The following MFSD12 variants were observed in gnomAD, a reference collection of about 807,000 sequenced individuals.
MFSD12 encodes the protein major facilitator superfamily domain containing 12, also known as major facilitator superfamily domain-containing protein 12.
Under a neutral mutation model 51.2 loss-of-function variants are expected in MFSD12, and 67 were observed. The observed-to-expected ratio is 1.31, with a 90% CI of 1.08 to 1.60. The LOEUF (loss-of-function observed/expected upper bound fraction) is 1.60. MFSD12 is among the 40% of genes most tolerant of loss of function. The pLI is 0.00. For missense variants in MFSD12, 921 were observed against 673.0 expected, an observed-to-expected ratio of 1.37 and a Z score of -4.08; for synonymous variants, 441 against 316.7, an observed-to-expected ratio of 1.39 and a Z score of -4.17.
downstream of MFSD12, chr19:3,541,877 C>T (rs762010452): frequency 1.0e-3 from 861 of 829,698 alleles, 1 homozygote; most frequent in Non-Finnish European, 1.2e-3. Flanking sequence ...GACGCAATCT[C>T]GGCTCACTGC....
At chr19:3,541,628 C>CTAT, downstream of MFSD12, 1 of 984,582 alleles carries the variant, frequency 1.0e-6, no homozygotes, top group Non-Finnish European at 1.2e-6. Flanking sequence ...GTGCAAGACC[C>CTAT]TATTTCTATT....
At chr19:3,538,699 C>T in exon 5 of MFSD12, 1 of 473,592 alleles carries the variant, frequency 2.1e-6, no homozygotes. Context: ...GTTCGGTGTT[C>T]TCCGCCTCGG....
At chr19:3,543,476 G>T, downstream of MFSD12, 2 of 1,524,790 alleles carry the variant, frequency 1.3e-6, no homozygotes, top group Non-Finnish European at 1.8e-6. Context: ...GCCATCGGGT[G>T]AGTGCCCCCC....
At chr19:3,543,473 G>T, downstream of MFSD12, 4 of 1,532,548 alleles carry the variant, frequency 2.6e-6, no homozygotes, top group Non-Finnish European at 3.5e-6. Flanking sequence ...CATGCCATCG[G>T]GTGAGTGCCC....
At chr19:3,543,218 C>A, downstream of MFSD12, 1 of 1,539,206 alleles carries the variant, frequency 6.5e-7, no homozygotes, top group East Asian at 2.5e-5. Flanking sequence ...CAGTCTCTGC[C>A]CCCTGCCCAC....
downstream of MFSD12, chr19:3,543,013 T>C (rs748043152): frequency 3.1e-6 from 5 of 1,602,500 alleles, no homozygotes; most frequent in African/African-American, 4.0e-5. Context: ...ACTTGGGTGC[T>C]TGGGGTGCGA....
chr19:3,546,316 C>T lies in MFSD12; in HGVS notation c.1133G>A (p.Gly378Asp), dbSNP rs2031043445. ...CGAGGTGACGAGGATGGTGGCACAG[C>T]CAGCACCCAGCAGCACAGCCGCTGC... is the stretch of plus-strand genomic sequence containing the variant. ...VYAAAVLLGAGCATILVTSLA... is the reference protein window; with the variant it reads ...VYAAAVLLGADCATILVTSLA... Residue 378 changes from glycine (G) to aspartate (D), a missense_variant, in exon 7 of 10, where the codon GGC becomes GAC. By Grantham distance (94) the Gly-to-Asp change is moderately conservative (BLOSUM62 -1). Transcript: ENST00000355415. 2 of 1,608,850 alleles carry T rather than the reference C, an allele frequency of 1.2e-6. No homozygotes were observed. The highest frequency in any genetic ancestry group is 1.3e-5 in the African/African-American group (1 of 74,928).
downstream of MFSD12, chr19:3,542,365 G>C: frequency 1.0e-6 from 1 of 985,428 alleles, no homozygotes; most frequent in Non-Finnish European, 1.2e-6. Context: ...AGATGAGATT[G>C]TTTTGAACCC....
chr19:3,544,462 A>G lies in MFSD12; in HGVS notation c.*248T>C. 7.4e-7 allele frequency: 1 copy of G among 1,347,000 alleles called. No individual in the cohort carries two copies. Among genetic ancestry groups the G allele is most frequent in the East Asian group, 2.7e-5 (1 of 36,702 alleles). 83.4% of individuals were successfully genotyped at this position (1,347,000 alleles called of 1,614,324 possible). A position where few individuals can be genotyped will look rare whatever the true frequency, so the allele number is the denominator to read the frequency against. ...TTCCCTGCCGAGAGGGGCACCCCAAATCCTCCAGAGGGCTGGGATGGATTA... is the reference window on the plus strand; with the variant it reads ...TTCCCTGCCGAGAGGGGCACCCCAAGTCCTCCAGAGGGCTGGGATGGATTA... On this transcript the variant is annotated 3_prime_UTR_variant, in exon 10 of 10. Coordinates refer to ENST00000355415, the MANE Select transcript of MFSD12 (RefSeq NM_174983.5).
In MFSD12 at chr19:3,551,460, C is replaced by T. The variant is rs1454807277; in HGVS notation, c.299-266G>A. 6.6e-6 allele frequency among the ~76,000 whole-genome samples: 1 copy of T among 152,142 alleles called. No individual in the cohort carries two copies. Among genetic ancestry groups the T allele is most frequent in the African/African-American group, 2.4e-5 (1 of 41,438 alleles). On this transcript the variant is annotated intron_variant, in intron 1 of 9. Coordinates refer to ENST00000355415, the MANE Select transcript of MFSD12 (RefSeq NM_174983.5). This position sits in a 1 kb window ranked among gnomAD's most constrained non-coding sequence, Gnocchi z 4.6. The stretch of plus-strand genomic sequence containing the variant: ...GCGCAGGGGGTCCCCCGGAAACCTG[C>T]CCCCCACAGGTGCCCCGGTTACAGC...
At chr19:3,546,029 C>T (rs200300868) in intron 8 of MFSD12, 45 bp downstream of exon 8, 225 of 1,598,120 alleles carry the variant, frequency 1.4e-4, no homozygotes, top group Non-Finnish European at 1.9e-4. Context: ...CGCTTAATCC[C>T]CTCTTACTGA....
chr19:3,546,242 C>T lies in MFSD12; in HGVS notation c.1194+13G>A. On this transcript the variant is annotated intron_variant, in intron 7 of 9. Coordinates refer to ENST00000355415, the MANE Select transcript of MFSD12 (RefSeq NM_174983.5). ...CCCGGCCTCCCCCACCCCAGCCTGG[C>T]TACCAGCCCTACCGTGTGGGGACCG... The T allele has an allele frequency of 6.2e-7, 1 of 1,607,228 alleles. No individual in the cohort carries two copies. The highest frequency in any genetic ancestry group is 8.5e-7 in the Non-Finnish European group (1 of 1,176,166).
At chr19:3,543,070 TG>T, downstream of MFSD12, 3 of 1,591,336 alleles carry the variant, frequency 1.9e-6, no homozygotes, top group Non-Finnish European at 1.7e-6. Context: ...GCACCCACTC[TG>T]GGGTGAGGGG....
At chr19:3,543,996 C>T (rs1468135236), downstream of MFSD12, 3 of 1,542,596 alleles carry the variant, frequency 1.9e-6, no homozygotes, top group Non-Finnish European at 2.6e-6. Flanking sequence ...TTCCCTCACA[C>T]CCACTCCCCG....
At chr19:3,554,230 G>A (rs2031624822) in intron 1 of MFSD12, among the ~76,000 whole-genome samples, 3 of 151,056 alleles carry the variant, frequency 2.0e-5, no homozygotes, top group Admixed American at 2.0e-4. Flanking sequence ...TGAGGTCAGC[G>A]GTTCAAGCCC....
downstream of MFSD12, chr19:3,543,584 T>A: frequency 1.3e-6 from 2 of 1,526,466 alleles, no homozygotes; most frequent in Non-Finnish European, 1.8e-6. Flanking sequence ...GGAGACCGCC[T>A]GGCATGACCC....
rs766275362 is a variant in MFSD12 at position 3,547,860 on chromosome 19, C to T, written c.825G>A (p.Pro275=). 4.4e-5 allele frequency: 66 copies of T among 1,509,910 alleles called. No homozygotes were observed. The highest frequency in any genetic ancestry group is 1.1e-4 in the Admixed American group (4 of 37,966). The allele number at this position is 1,509,910 out of a possible 1,614,324, so 93.5% of individuals were successfully genotyped here. The part of the protein sequence containing the change: ...LLLWKHWLRE[P]AFYQVGILYM... ...CCCCAGCACGCACCTGGTAGAAAGC[C>T]GGCTCCCGGAGCCAGTGCTTCCAGA... Residue 275 remains proline (P), a synonymous_variant, in exon 4 of 10, where the codon CCG becomes CCA. Transcript: ENST00000355415.
chr19:3,542,801 C>A (rs1476971434), downstream of MFSD12: 1 of 1,371,194 alleles, frequency 7.3e-7, no homozygotes, highest in Non-Finnish European at 9.8e-7. Flanking sequence ...CCCCAGTCTT[C>A]CCTGGGCCAT....
chr19:3,553,713 T>C (rs984504832), intron 1 of MFSD12, among the ~76,000 whole-genome samples: 18 of 103,824 alleles, frequency 1.7e-4, no homozygotes, highest in African/African-American at 5.7e-4. Context: ...GAGCTTGCAG[T>C]GAGACTCCAT....
Sources: gnomAD v4.1 joint callset for allele counts (sites outside exome capture counted in the v4.1 genomes callset) on GRCh38, gnomAD v4.1.1 for gene constraint, Gnocchi (gnomAD v3.1) non-coding constraint, MANE v1.5 for transcripts, NCBI Gene and HGNC (gene_info 2026-07-23, HGNC 2026-07-21) for gene names.